DDC: variants seen among roughly 807,000 people sequenced by gnomAD.
DDC encodes aromatic-L-amino-acid decarboxylase.
Under a neutral mutation model 60.0 loss-of-function variants are expected in DDC, and 43 were observed. The observed-to-expected ratio is 0.72, with a 90% CI of 0.56 to 0.92. DDC has a LOEUF of 0.92. Among genes scored for constraint, DDC ranks in the 40% least tolerant of loss-of-function variants. The pLI, the probability that DDC is intolerant of heterozygous loss-of-function variation, is 0.00. For missense variants in DDC, 573 were observed against 620.2 expected, an observed-to-expected ratio of 0.92 and a Z score of 0.81; for synonymous variants, 232 against 234.6, an observed-to-expected ratio of 0.99 and a Z score of 0.10.
chr7:50,525,460 G>T (rs1002907261), intron 6 of DDC, among the ~76,000 whole-genome samples: 1 of 152,096 alleles, frequency 6.6e-6, no homozygotes, highest in Non-Finnish European at 1.5e-5. Context: ...ATGAATCTAC[G>T]ATTATTTCAA....
intron 6 of DDC, among the ~76,000 whole-genome samples, chr7:50,524,901 ATAG>A (rs1384111586): frequency 6.6e-6 from 1 of 152,220 alleles, no homozygotes; most frequent in African/African-American, 2.4e-5. Context: ...ATTATTTGTA[ATAG>A]CCAAAATATG....
At chr7:50,558,209 G>A (rs1371372203) in intron 1 of DDC, among the ~76,000 whole-genome samples, 1 of 151,888 alleles carries the variant, frequency 6.6e-6, no homozygotes, top group African/African-American at 2.4e-5. Context: ...TTCGAATTAT[G>A]TTCTAGTTGG....
At chr7:50,468,456 C>G (rs2042450286) in intron 12 of DDC, among the ~76,000 whole-genome samples, 1 of 152,190 alleles carries the variant, frequency 6.6e-6, no homozygotes, top group Non-Finnish European at 1.5e-5. Context: ...CTGAATTCGT[C>G]TCAAATGGGT....
intron 7 of DDC, 122 bp downstream of exon 7, chr7:50,503,871 A>G (rs1563009015): frequency 1.1e-5 from 9 of 797,056 alleles, no homozygotes; most frequent in African/African-American, 3.4e-5. Flanking sequence ...AAATACGAGA[A>G]GAGCTGGGCA....
At chr7:50,469,252 T>A (rs113436978) in intron 12 of DDC, among the ~76,000 whole-genome samples, 12,604 of 62,412 alleles carry the variant, frequency 0.2, 838 homozygotes, top group Admixed American at 0.26. Context: ...CCAATTGTTA[T>A]TTTAAAAAAA....
intron 1 of DDC, among the ~76,000 whole-genome samples, chr7:50,549,876 A>G (rs1178435797): frequency 1.3e-5 from 2 of 152,240 alleles, no homozygotes; most frequent in African/African-American, 2.4e-5. Context: ...ATAAAATTGG[A>G]CAGATTAGTT....
intron 9 of DDC, among the ~76,000 whole-genome samples, chr7:50,493,436 C>A (rs1285967376): frequency 6.6e-6 from 1 of 152,172 alleles, no homozygotes; most frequent in Non-Finnish European, 1.5e-5. Flanking sequence ...CCCGCCAGAG[C>A]CTGTGGATGC....
intron 10 of DDC, among the ~76,000 whole-genome samples, chr7:50,476,998 A>C (rs1264518968): frequency 6.6e-6 from 1 of 152,182 alleles, no homozygotes; most frequent in Non-Finnish European, 1.5e-5. Context: ...TCATTCATGC[A>C]TGGGAAGGTG....
At chr7:50,536,897 A>G (rs1284519075) in intron 4 of DDC, among the ~76,000 whole-genome samples, 1 of 152,218 alleles carries the variant, frequency 6.6e-6, no homozygotes, top group Non-Finnish European at 1.5e-5. Flanking sequence ...GCCTTGTGAA[A>G]GACAATATCT....
chr7:50,462,006 C>T (rs992283419), intron 14 of DDC, among the ~76,000 whole-genome samples: 2 of 152,164 alleles, frequency 1.3e-5, no homozygotes, highest in African/African-American at 4.8e-5. Flanking sequence ...CAACTTCTGA[C>T]TTGTTGAGCA....
intron 3 of DDC, chr7:50,538,966 G>A (rs1335531788): frequency 6.6e-6 from 1 of 152,262 alleles, no homozygotes; most frequent in Non-Finnish European, 1.5e-5. Flanking sequence ...CCTGCCTGTA[G>A]GGCCCATGAT....
At chr7:50,495,884 G>A (rs1376524) in intron 8 of DDC, among the ~76,000 whole-genome samples, 117,426 of 152,126 alleles carry the variant, frequency 0.77, 45,537 homozygotes, top group Admixed American at 0.84. Flanking sequence ...TTGGCCTGTG[G>A]AATACTTCAT....
At chr7:50,564,496 C>A (rs1166763630) in intron 1 of DDC, among the ~76,000 whole-genome samples, 1 of 152,162 alleles carries the variant, frequency 6.6e-6, no homozygotes, top group Non-Finnish European at 1.5e-5. Context: ...TAGACAGAGC[C>A]CAATGTAAAC....
intron 13 of DDC, among the ~76,000 whole-genome samples, chr7:50,465,385 T>G (rs1232302261): frequency 3.3e-5 from 5 of 152,192 alleles, no homozygotes; most frequent in Non-Finnish European, 7.4e-5. Flanking sequence ...TAGCCTTTTT[T>G]TTTGAGACAG....
intron 6 of DDC, among the ~76,000 whole-genome samples, chr7:50,511,340 C>T (rs1482636480): frequency 6.6e-6 from 1 of 151,256 alleles, no homozygotes; most frequent in Non-Finnish European, 1.5e-5. Context: ...ATATAATGAC[C>T]TGAAAAAAAT....
At chr7:50,499,342 T>C (rs918911080) in intron 7 of DDC, 100 bp from the exon 8 acceptor site, 11 of 773,392 alleles carry the variant, frequency 1.4e-5, no homozygotes, top group Non-Finnish European at 2.4e-5. Flanking sequence ...GGGTAGAGCA[T>C]GCCAACAGTA....
intron 4 of DDC, among the ~76,000 whole-genome samples, chr7:50,534,684 A>G (rs1367295141): frequency 2.0e-5 from 3 of 152,228 alleles, no homozygotes; most frequent in South Asian, 2.1e-4. Flanking sequence ...ATAAAACTAA[A>G]AGAAAAAGTA....
At chr7:50,508,387 C>G (rs910075577) in intron 6 of DDC, among the ~76,000 whole-genome samples, 2 of 152,226 alleles carry the variant, frequency 1.3e-5, no homozygotes, top group Non-Finnish European at 1.5e-5. Flanking sequence ...AAAGAGCCCA[C>G]AGTCTTCCTG....
chr7:50,487,564 A>T (rs1343438504), intron 9 of DDC, among the ~76,000 whole-genome samples: 1 of 152,084 alleles, frequency 6.6e-6, no homozygotes, highest in African/African-American at 2.4e-5. Flanking sequence ...TAGAGTTCTG[A>T]AGTAAAAGCT....
Sources: gnomAD v4.1 joint callset for allele counts (sites outside exome capture counted in the v4.1 genomes callset) on GRCh38, gnomAD v4.1.1 for gene constraint, MANE v1.5 for transcripts, NCBI Gene and HGNC (gene_info 2026-07-23, HGNC 2026-07-21) for gene names.